NLGN1: variants seen among roughly 807,000 people sequenced by gnomAD.
NLGN1 encodes neuroligin-1.
In NLGN1, 12 loss-of-function variants were observed where a neutral mutation model predicts 65.5. The observed-to-expected ratio is 0.18, with a 90% CI of 0.12 to 0.30. The LOEUF (loss-of-function observed/expected upper bound fraction) is 0.30. Among genes scored for constraint, NLGN1 ranks in the 10% least tolerant of loss-of-function variants. NLGN1 has a pLI of 1.00. For missense variants in NLGN1, 750 were observed against 1,007.1 expected (o/e 0.74, Z 3.46); for synonymous variants, 350 against 359.5 (o/e 0.97, Z 0.30).
chr3:173,529,917 G>A (rs961836067), intron 2 of NLGN1, among the ~76,000 whole-genome samples: 2 of 151,850 alleles, frequency 1.3e-5, no homozygotes, highest in Non-Finnish European at 2.9e-5. Flanking sequence ...AAATGGACTA[G>A]GTAATTCCCC....
At chr3:174,066,854 G>A (rs903321965) in intron 4 of NLGN1, among the ~76,000 whole-genome samples, 2 of 152,012 alleles carry the variant, frequency 1.3e-5, no homozygotes, top group Non-Finnish European at 2.9e-5. Context: ...TCAAATGACT[G>A]TTCTGGTGTT....
intron 1 of NLGN1, among the ~76,000 whole-genome samples, chr3:173,415,418 C>T (rs1248304474): frequency 6.6e-6 from 1 of 152,164 alleles, no homozygotes; most frequent in Non-Finnish European, 1.5e-5. Flanking sequence ...GGTATGAAGA[C>T]AAATCTCTCC....
chr3:173,879,472 G>C (rs970208352), intron 4 of NLGN1, among the ~76,000 whole-genome samples: 10 of 152,046 alleles, frequency 6.6e-5, no homozygotes, highest in Non-Finnish European at 8.8e-5. Flanking sequence ...TATCGCAGCT[G>C]ACATATCATT....
chr3:173,462,259 C>T (rs1308943332), intron 2 of NLGN1, among the ~76,000 whole-genome samples: 1 of 152,038 alleles, frequency 6.6e-6, no homozygotes, highest in Non-Finnish European at 1.5e-5. Context: ...TAAAAGAGTG[C>T]CTTTTACATA....
intron 4 of NLGN1, among the ~76,000 whole-genome samples, chr3:174,268,622 T>A (rs919984251): frequency 6.6e-5 from 10 of 152,140 alleles, no homozygotes; most frequent in Admixed American, 2.0e-4. Context: ...TACAAGATGT[T>A]AACATTGAGT....
At chr3:173,548,273 A>C (rs1352374461) in intron 2 of NLGN1, among the ~76,000 whole-genome samples, 2 of 152,168 alleles carry the variant, frequency 1.3e-5, no homozygotes, top group Non-Finnish European at 2.9e-5. Flanking sequence ...ATTTCTGGTC[A>C]ATATATCAAA....
At chr3:174,042,996 T>A (rs903107502) in intron 4 of NLGN1, among the ~76,000 whole-genome samples, 1 of 152,134 alleles carries the variant, frequency 6.6e-6, no homozygotes. Flanking sequence ...CTCAGGAAAC[T>A]TACAATCATG....
chr3:173,647,407 T>C (rs887571836), intron 3 of NLGN1, among the ~76,000 whole-genome samples: 1 of 152,096 alleles, frequency 6.6e-6, no homozygotes, highest in Non-Finnish European at 1.5e-5. Flanking sequence ...TTTTCAAGCA[T>C]GCACAGAACT....
At chr3:174,174,079 T>G (rs573429902) in intron 4 of NLGN1, among the ~76,000 whole-genome samples, 2 of 152,268 alleles carry the variant, frequency 1.3e-5, no homozygotes, top group South Asian at 2.1e-4. Flanking sequence ...ATATGATGTT[T>G]GTTATTCCAT....
intron 3 of NLGN1, among the ~76,000 whole-genome samples, chr3:173,609,221 T>C (rs894178274): frequency 6.6e-6 from 1 of 152,012 alleles, no homozygotes; most frequent in Non-Finnish European, 1.5e-5. Flanking sequence ...TACTATTATT[T>C]GCATAGCTCT....
intron 4 of NLGN1, among the ~76,000 whole-genome samples, chr3:174,236,129 G>T (rs140967882): frequency 6.6e-6 from 1 of 151,946 alleles, no homozygotes; most frequent in Non-Finnish European, 1.5e-5. Flanking sequence ...ATGCTTTTTT[G>T]GAATCTATAA....
intron 4 of NLGN1, chr3:173,920,575 T>A (rs1218888304): frequency 6.6e-6 from 1 of 152,180 alleles, no homozygotes; most frequent in Non-Finnish European, 1.5e-5. Context: ...CATGTGAGAA[T>A]GCATATGAGT....
At chr3:173,832,142 A>C (rs1029048782) in intron 4 of NLGN1, among the ~76,000 whole-genome samples, 2 of 138,710 alleles carry the variant, frequency 1.4e-5, no homozygotes, top group African/African-American at 2.7e-5. Context: ...AAAAAAAAAA[A>C]CTGTAGAGAC....
At chr3:173,977,745 A>G (rs1717833831) in intron 4 of NLGN1, among the ~76,000 whole-genome samples, 2 of 152,000 alleles carry the variant, frequency 1.3e-5, no homozygotes, top group African/African-American at 2.4e-5. Context: ...CCTTTAAGAT[A>G]CCCAAGATGA....
intron 4 of NLGN1, among the ~76,000 whole-genome samples, chr3:174,174,360 A>G (rs944705085): frequency 6.6e-6 from 1 of 152,094 alleles, no homozygotes; most frequent in Non-Finnish European, 1.5e-5. Context: ...GCTGGATCAA[A>G]TGGTAGTTCT....
At chr3:173,842,994 G>A (rs547738322) in intron 4 of NLGN1, among the ~76,000 whole-genome samples, 9 of 152,318 alleles carry the variant, frequency 5.9e-5, no homozygotes, top group East Asian at 1.9e-4. Context: ...GCATCCAGGC[G>A]TTTCCATACA....
At chr3:174,230,654 T>C (rs1577471738) in intron 4 of NLGN1, among the ~76,000 whole-genome samples, 1 of 152,262 alleles carries the variant, frequency 6.6e-6, no homozygotes, top group East Asian at 1.9e-4. Context: ...TAGCCTGGCA[T>C]GGTGACACAA....
At chr3:173,721,568 AC>A (rs1462002688) in intron 3 of NLGN1, among the ~76,000 whole-genome samples, 1 of 152,130 alleles carries the variant, frequency 6.6e-6, no homozygotes, top group Non-Finnish European at 1.5e-5. Flanking sequence ...CAGAGTGCTT[AC>A]TCTGTACTAG....
At chr3:173,942,087 G>A (rs1238658804) in intron 4 of NLGN1, among the ~76,000 whole-genome samples, 1 of 150,052 alleles carries the variant, frequency 6.7e-6, no homozygotes, top group Non-Finnish European at 1.5e-5. Context: ...AAACATCATG[G>A]TCAGGAATAT....
Sources: gnomAD v4.1 joint callset for allele counts (sites outside exome capture counted in the v4.1 genomes callset) on GRCh38, gnomAD v4.1.1 for gene constraint, MANE v1.5 for transcripts, NCBI Gene and HGNC (gene_info 2026-07-23, HGNC 2026-07-21) for gene names.